SUSD3: variants seen among roughly 807,000 people sequenced by gnomAD.
SUSD3 encodes the protein sushi domain containing 3, also known as sushi domain-containing protein 3.
SUSD3 carries 18 observed loss-of-function variants against 20.6 expected under a neutral mutation model. The observed-to-expected ratio is 0.87, with a 90% CI of 0.60 to 1.30. The LOEUF (loss-of-function observed/expected upper bound fraction) is 1.30, where lower values mean the gene tolerates loss of function less well. Among genes scored for constraint, SUSD3 ranks in the 50% most tolerant of loss-of-function variants. The probability of loss-of-function intolerance (pLI) is 0.00; values close to 1 mark genes in which losing one functional copy is unlikely to be tolerated. For synonymous variants in SUSD3, 137 were observed against 141.5 expected, an observed-to-expected ratio of 0.97 and a Z score of 0.23; for missense variants, 306 against 346.9, an observed-to-expected ratio of 0.88 and a Z score of 0.94.
intron 4 of SUSD3, among the ~76,000 whole-genome samples, chr9:93,080,126 G>A (rs551983834): frequency 4.6e-5 from 7 of 151,958 alleles, no homozygotes; most frequent in African/African-American, 1.4e-4. Context: ...TCAGGAGTTC[G>A]AGGCCAACAT....
At chr9:93,068,888 A>T (rs1032879832) in intron 1 of SUSD3, among the ~76,000 whole-genome samples, 3 of 152,142 alleles carry the variant, frequency 2.0e-5, no homozygotes, top group African/African-American at 7.2e-5. Context: ...TTTTTCCCTA[A>T]ACACATGTAC....
chr9:93,063,479 C>G (rs72741065), intron 1 of SUSD3, among the ~76,000 whole-genome samples: 5,875 of 152,284 alleles, frequency 0.039, 162 homozygotes, highest in Non-Finnish European at 0.062. Context: ...ACCCCAGGAA[C>G]CTACTGGTTA....
chr9:93,072,277 C>T (rs1283309283), intron 1 of SUSD3, among the ~76,000 whole-genome samples: 19 of 152,222 alleles, frequency 1.2e-4, no homozygotes, highest in East Asian at 1.9e-4. Context: ...CTGAGGGCCA[C>T]CCCTGCCTCT....
intron 2 of SUSD3, among the ~76,000 whole-genome samples, chr9:93,076,227 C>G (rs1472414185): frequency 6.6e-6 from 1 of 152,200 alleles, no homozygotes; most frequent in African/African-American, 2.4e-5. Flanking sequence ...GCTCTGCTAC[C>G]GACTCAGCCC....
chr9:93,076,070 C>A, intron 2 of SUSD3, 98 bp downstream of exon 2: 2 of 1,083,342 alleles, frequency 1.8e-6, no homozygotes, highest in Non-Finnish European at 2.6e-6. Flanking sequence ...TGGGTGTCTA[C>A]TCACAAGCAG....
Position 93,078,111 on chromosome 9 carries a change from T to C in SUSD3, c.425+118T>C. 3 of 1,377,080 alleles carry C rather than the reference T, an allele frequency of 2.2e-6. No homozygotes were observed. In the South Asian group the frequency reaches 3.8e-5, roughly 18 times the overall value. The allele number at this position is 1,377,080 out of a possible 1,614,324, so 85.3% of individuals were successfully genotyped here. On this transcript the variant is annotated intron_variant, in intron 3 of 4. Transcript: ENST00000375472. The stretch of plus-strand genomic sequence containing the variant: ...GCACTGCCCTCAGGGCACCCGTTCC[T>C]ACCACTGCTGCTCTGGGCCTGCGTC...
At chr9:93,073,271 G>A (rs559141646) in intron 1 of SUSD3, among the ~76,000 whole-genome samples, 7 of 146,238 alleles carry the variant, frequency 4.8e-5, no homozygotes, top group Non-Finnish European at 9.0e-5. Context: ...TTTTGAGACG[G>A]AGTCTCGCTC....
At chr9:93,069,203 C>T (rs572599075) in intron 1 of SUSD3, 42 of 695,240 alleles carry the variant, frequency 6.0e-5, no homozygotes, top group African/African-American at 1.0e-4. Context: ...TCACCCATCC[C>T]GCTCCACCCC....
rs116883841 is a variant in SUSD3 at position 93,065,383 on chromosome 9, G to A, written c.88+6553G>A. On this transcript the variant is annotated intron_variant, in intron 1 of 4. Coordinates refer to ENST00000375472, the MANE Select transcript of SUSD3 (RefSeq NM_145006.4). ...CGTTCATCCATTCATCCTCTCACTG[G>A]GCAGACACTCAACCAGGCGCTGTTG... Among the ~76,000 whole-genome samples the A allele has an allele frequency of 3.4e-3, 511 of 152,174 alleles. 1 individual carries two copies. Among genetic ancestry groups the A allele is most frequent in the Non-Finnish European group, 6.2e-3 (420 of 67,998 alleles).
intron 4 of SUSD3, among the ~76,000 whole-genome samples, chr9:93,083,934 G>A (rs1384627211): frequency 6.6e-6 from 1 of 151,970 alleles, no homozygotes; most frequent in Admixed American, 6.5e-5. Flanking sequence ...GGCTGGAGGT[G>A]GGAGCCGCCA....
At chr9:93,083,812 G>A (rs907726353) in intron 4 of SUSD3, among the ~76,000 whole-genome samples, 4 of 152,326 alleles carry the variant, frequency 2.6e-5, no homozygotes, top group South Asian at 4.1e-4. Flanking sequence ...GGTGGGAGCC[G>A]TGATCCAGGA....
At chr9:93,084,297 C>T (rs1052053089) in intron 4 of SUSD3, among the ~76,000 whole-genome samples, 1 of 152,050 alleles carries the variant, frequency 6.6e-6, no homozygotes, top group Non-Finnish European at 1.5e-5. Flanking sequence ...ACTCCTGGGC[C>T]ACGCCCTGGT....
At chr9:93,074,847 C>T (rs893043525) in intron 1 of SUSD3, among the ~76,000 whole-genome samples, 1 of 152,038 alleles carries the variant, frequency 6.6e-6, no homozygotes, top group African/African-American at 2.4e-5. Flanking sequence ...TCCCCGACCT[C>T]ATGATCCACC....
At chr9:93,073,714 C>T (rs1453236520) in intron 1 of SUSD3, among the ~76,000 whole-genome samples, 1 of 152,178 alleles carries the variant, frequency 6.6e-6, no homozygotes, top group Non-Finnish European at 1.5e-5. Flanking sequence ...CCAGAGACAA[C>T]TCAGATGCAG....
intron 1 of SUSD3, among the ~76,000 whole-genome samples, chr9:93,071,182 T>C (rs1825896784): frequency 1.3e-5 from 2 of 152,176 alleles, no homozygotes; most frequent in African/African-American, 2.4e-5. Context: ...ATAGCATAGA[T>C]GTATATATAA....
At chr9:93,060,277 C>A (rs1825453683) in intron 1 of SUSD3, among the ~76,000 whole-genome samples, 1 of 152,056 alleles carries the variant, frequency 6.6e-6, no homozygotes, top group South Asian at 2.1e-4. Flanking sequence ...GGGTTAGGAT[C>A]CCCCCTGTGA....
chr9:93,083,176 G>T (rs1826492419), intron 4 of SUSD3, among the ~76,000 whole-genome samples: 1 of 152,230 alleles, frequency 6.6e-6, no homozygotes, highest in Non-Finnish European at 1.5e-5. Context: ...GCAGGAAGTG[G>T]TGGTGAGGCT....
intron 1 of SUSD3, among the ~76,000 whole-genome samples, chr9:93,075,428 T>G (rs1016992445): frequency 1.1e-4 from 17 of 149,212 alleles, no homozygotes; most frequent in Non-Finnish European, 2.4e-4. Context: ...TTTTTTTTTT[T>G]TTTTTTGTTC....
At chr9:93,077,136 C>G (rs10761192) in intron 2 of SUSD3, among the ~76,000 whole-genome samples, 1 of 151,998 alleles carries the variant, frequency 6.6e-6, no homozygotes, top group Non-Finnish European at 1.5e-5. Flanking sequence ...GATTCCGAGG[C>G]CTTTTTTAGC....
Sources: allele counts gnomAD v4.1 joint callset (sites outside exome capture counted in the v4.1 genomes callset), GRCh38; gene constraint gnomAD v4.1.1; transcripts MANE v1.5; gene names NCBI Gene and HGNC (gene_info 2026-07-23, HGNC 2026-07-21).